SLC35G2: variants seen among roughly 807,000 people sequenced by gnomAD.
The protein encoded by SLC35G2 is transmembrane protein 22.
Under a neutral mutation model 27.2 loss-of-function variants are expected in SLC35G2, and 20 were observed. The ratio of observed to expected loss-of-function variants is 0.74; its 90% CI spans 0.52 to 1.07. SLC35G2 has a LOEUF of 1.07. Among genes scored for constraint, SLC35G2 ranks in the 50% least tolerant of loss-of-function variants. The pLI, the probability that SLC35G2 is intolerant of heterozygous loss-of-function variation, is 0.00. For missense variants in SLC35G2, 416 were observed against 493.3 expected (o/e 0.84, Z 1.48); for synonymous variants, 148 against 165.3 (o/e 0.90, Z 0.80).
intron 1 of SLC35G2, among the ~76,000 whole-genome samples, chr3:136,832,019 C>CT (rs758511767): frequency 1.1e-4 from 9 of 85,262 alleles, no homozygotes; most frequent in Admixed American, 1.5e-4. Flanking sequence ...GATCATTCTT[C>CT]ATTTTTTTTT....
chr3:136,822,971 T>C (rs1936494797), intron 1 of SLC35G2, among the ~76,000 whole-genome samples: 1 of 152,228 alleles, frequency 6.6e-6, no homozygotes, highest in South Asian at 2.1e-4. Flanking sequence ...TTTTTATTTT[T>C]TTGAGGCACC....
chr3:136,844,583 G>A (rs1428260617), intron 1 of SLC35G2, among the ~76,000 whole-genome samples: 1 of 151,426 alleles, frequency 6.6e-6, no homozygotes, highest in Non-Finnish European at 1.5e-5. Flanking sequence ...CTGATTGCAT[G>A]AGGCCGTGAG....
chr3:136,834,566 GTGATCAGCCCGCCT>G (rs1484441683), intron 1 of SLC35G2, among the ~76,000 whole-genome samples: 1 of 152,124 alleles, frequency 6.6e-6, no homozygotes, highest in African/African-American at 2.4e-5. Context: ...CTGACCTCAG[GTGATCAGCCCGCCT>G]TGGCCTCTGA....
chr3:136,845,925 T>TTA (rs1406873538), intron 1 of SLC35G2, among the ~76,000 whole-genome samples: 12 of 152,134 alleles, frequency 7.9e-5, no homozygotes, highest in Admixed American at 7.9e-4. Context: ...ATGGTTACTT[T>TTA]TATGTGTCCA....
intron 1 of SLC35G2, among the ~76,000 whole-genome samples, chr3:136,831,889 CT>C (rs879767726): frequency 1.6e-3 from 224 of 140,692 alleles, no homozygotes; most frequent in Non-Finnish European, 1.4e-3. Context: ...TGAGTCTAGT[CT>C]TTTTTTTTTT....
intron 1 of SLC35G2, among the ~76,000 whole-genome samples, chr3:136,853,094 TTTTTGTTTTG>T (rs1249157669): frequency 6.6e-6 from 1 of 151,912 alleles, no homozygotes; most frequent in African/African-American, 2.4e-5. Flanking sequence ...GTGGACATCG[TTTTTGTTTTG>T]TTTTGTTTTG....
At chr3:136,823,881 G>C (rs1936519512) in intron 1 of SLC35G2, among the ~76,000 whole-genome samples, 1 of 151,964 alleles carries the variant, frequency 6.6e-6, no homozygotes, top group Non-Finnish European at 1.5e-5. Context: ...TGGGATTACA[G>C]GCTGATTTGA....
intron 1 of SLC35G2, 136 bp from the exon 2 acceptor site, chr3:136,854,307 C>A: frequency 1.7e-6 from 1 of 605,408 alleles, no homozygotes; most frequent in Non-Finnish European, 2.8e-6. Flanking sequence ...ATTGCCAGAT[C>A]ATCTCTAATT....
chr3:136,845,472 G>T (rs1237991409), intron 1 of SLC35G2, among the ~76,000 whole-genome samples: 6 of 152,188 alleles, frequency 3.9e-5, no homozygotes, highest in Admixed American at 2.0e-4. Flanking sequence ...TTGAAACTCA[G>T]CCTGAAGATG....
chr3:136,820,853 T>A (rs1490422280), intron 1 of SLC35G2, among the ~76,000 whole-genome samples: 2 of 152,192 alleles, frequency 1.3e-5, no homozygotes, highest in Non-Finnish European at 2.9e-5. Flanking sequence ...TTTATACTCA[T>A]TTACATTCCA....
In SLC35G2 at chr3:136,855,790, C is replaced by A. The variant is rs1937995563; in HGVS notation, c.*91C>A. On this transcript the variant is annotated 3_prime_UTR_variant, in exon 2 of 2. Coordinates refer to ENST00000446465, the MANE Select transcript of SLC35G2 (RefSeq NM_025246.3). ...TATGAATGTCTTTTGTGTTATATAA[C>A]TGACAGAGTGCTATAAAATATATAA... The A allele has an allele frequency of 2.0e-6, 2 of 977,536 alleles. No homozygotes were observed. The highest frequency in any genetic ancestry group is 1.6e-5 in the African/African-American group (1 of 61,932). The allele number at this position is 977,536 out of a possible 1,614,324, so 60.6% of individuals were successfully genotyped here. A position where few individuals can be genotyped will look rare whatever the true frequency, so the allele number is the denominator to read the frequency against.
chr3:136,839,803 G>A (rs1569229), intron 1 of SLC35G2, among the ~76,000 whole-genome samples: 103,488 of 152,048 alleles, frequency 0.68, 35,497 homozygotes, highest in East Asian at 0.87. Flanking sequence ...ACTGTCAGTG[G>A]AGTGTCCAGC....
At chr3:136,822,649 T>G (rs1005866615) in intron 1 of SLC35G2, among the ~76,000 whole-genome samples, 11 of 152,220 alleles carry the variant, frequency 7.2e-5, no homozygotes, top group Non-Finnish European at 4.4e-5. Flanking sequence ...TTTTTTTGAT[T>G]TTTAGATCCC....
chr3:136,840,035 C>T (rs553044870), intron 1 of SLC35G2, among the ~76,000 whole-genome samples: 5 of 152,328 alleles, frequency 3.3e-5, no homozygotes, highest in African/African-American at 1.2e-4. Flanking sequence ...CTTTAAATCA[C>T]ATTCTACCTT....
chr3:136,854,632 CT>C lies in SLC35G2; in HGVS notation c.173del (p.Leu58ArgfsTer4). ...FMEENPKKGL[L>X]SEMKKKGRAF... ...GGAGGAAAATCCAAAGAAAGGTCTGCTGAGTGAAATGAAAAAAAAAGGGAGA... is the reference window on the plus strand; with the variant it reads ...GGAGGAAAATCCAAAGAAAGGTCTGCGAGTGAAATGAAAAAAAAAGGGAGA... On this transcript the variant is annotated frameshift_variant, in exon 2 of 2. Transcript: ENST00000446465. LOFTEE classifies it high-confidence loss of function. 1 of 1,613,394 alleles carries C rather than the reference CT, an allele frequency of 6.2e-7. No homozygotes were observed. Among genetic ancestry groups the C allele is most frequent in the Middle Eastern group, 1.6e-4 (1 of 6,062 alleles).
chr3:136,828,418 A>C (rs1033447658), intron 1 of SLC35G2, among the ~76,000 whole-genome samples: 21 of 152,202 alleles, frequency 1.4e-4, no homozygotes, highest in Admixed American at 4.6e-4. Context: ...GTGCACCAGC[A>C]CTGGGTACAT....
intron 1 of SLC35G2, among the ~76,000 whole-genome samples, chr3:136,830,194 C>T (rs548428411): frequency 3.0e-3 from 451 of 151,130 alleles, no homozygotes; most frequent in African/African-American, 9.5e-3. Flanking sequence ...CTGCAATCTC[C>T]GCCTCCCAGG....
At chr3:136,824,817 G>A (rs1224551067) in intron 1 of SLC35G2, among the ~76,000 whole-genome samples, 2 of 152,018 alleles carry the variant, frequency 1.3e-5, no homozygotes. Flanking sequence ...TGTTACATAG[G>A]TATACATGTG....
Position 136,855,720 on chromosome 3 carries a change from CATT to C in SLC35G2, c.*23_*25del. The C allele has an allele frequency of 6.6e-7, 1 of 1,504,818 alleles. No individual in the cohort carries two copies. 93.2% of individuals were successfully genotyped at this position (1,504,818 alleles called of 1,614,324 possible). A position where few individuals can be genotyped will look rare whatever the true frequency, so the allele number is the denominator to read the frequency against. On this transcript the variant is annotated 3_prime_UTR_variant, in exon 2 of 2. Transcript: ENST00000446465. ...AATGAATACCTGATTATTATTGTCT[CATT>C]AATGTTCAGTTATTATGTATACTGC...
Sources: allele counts gnomAD v4.1 joint callset (sites outside exome capture counted in the v4.1 genomes callset), GRCh38; gene constraint gnomAD v4.1.1; transcripts MANE v1.5; gene names NCBI Gene and HGNC (gene_info 2026-07-23, HGNC 2026-07-21).